The following GEMIN5 variants were observed in gnomAD, a reference collection of about 807,000 sequenced individuals.
GEMIN5 encodes gem nuclear organelle associated protein 5.
Under a neutral mutation model 176.9 loss-of-function variants are expected in GEMIN5, and 124 were observed. The observed-to-expected ratio is 0.70, with a 90% CI of 0.61 to 0.81. The LOEUF is 0.81. Ranked by LOEUF, GEMIN5 falls within the 40% of genes least tolerant of loss-of-function variation. The pLI is 0.00. For missense variants in GEMIN5, 1,843 were observed against 1,814.6 expected, an observed-to-expected ratio of 1.02 and a Z score of -0.28; for synonymous variants, 673 against 665.2, an observed-to-expected ratio of 1.01 and a Z score of -0.18.
intron 24 of GEMIN5, among the ~76,000 whole-genome samples, chr5:154,894,250 T>C (rs1763300123): frequency 6.6e-6 from 1 of 152,196 alleles, no homozygotes; most frequent in Admixed American, 6.5e-5. Context: ...TGGCCCTTTT[T>C]ATTGTTAAAC....
intron 23 of GEMIN5, among the ~76,000 whole-genome samples, chr5:154,897,374 AGT>A (rs532036872): frequency 2.0e-5 from 3 of 152,370 alleles, no homozygotes; most frequent in Admixed American, 6.5e-5. Flanking sequence ...AAACTAGGTA[AGT>A]GTGCCAATGC....
intron 7 of GEMIN5, among the ~76,000 whole-genome samples, 162 bp from the exon 8 acceptor site, chr5:154,926,236 T>C (rs1227282205): frequency 6.6e-6 from 1 of 152,032 alleles, no homozygotes; most frequent in Non-Finnish European, 1.5e-5. Context: ...AAAATAGTAA[T>C]AAATTATGTT....
At chr5:154,914,998 T>TA (rs750832040) in intron 13 of GEMIN5, among the ~76,000 whole-genome samples, 1 of 152,282 alleles carries the variant, frequency 6.6e-6, no homozygotes. Flanking sequence ...AATAAGAAGG[T>TA]AAAAATTAAA....
Position 154,891,665 on chromosome 5 carries a change from A to T in GEMIN5, c.3838T>A (p.Phe1280Ile), listed in dbSNP as rs774483456. ...AATTCATACAGACGCCCATAAAGAA[A>T]AAAGGCCTCCAAACTTTTGAAAGCT... The part of the protein sequence containing the change: ...TPAFKSLEAF[F>I]LYGRLYEFWW... The change falls in exon 26 of 28, where the codon TTT becomes ATT. Residue 1280 changes from phenylalanine (F) to isoleucine (I), a missense_variant. Phe to Ile is a conservative substitution (Grantham distance 21). Coordinates refer to ENST00000285873, the MANE Select transcript of GEMIN5 (RefSeq NM_015465.5). 1.2e-6 allele frequency: 2 copies of T among 1,612,874 alleles called. No homozygotes were observed. Among genetic ancestry groups the T allele is most frequent in the Admixed American group, 1.7e-5 (1 of 59,626 alleles).
intron 23 of GEMIN5, among the ~76,000 whole-genome samples, chr5:154,896,765 G>C (rs1359499850): frequency 1.3e-5 from 2 of 152,172 alleles, no homozygotes; most frequent in Non-Finnish European, 2.9e-5. Context: ...GAATAGACAA[G>C]CTTTGCAGAT....
At chr5:154,931,628 A>G (rs1372656651) in intron 4 of GEMIN5, 51 bp from the exon 5 acceptor site, 3 of 1,475,748 alleles carry the variant, frequency 2.0e-6, no homozygotes, top group Non-Finnish European at 2.8e-6. Context: ...ACACGCACTA[A>G]TATAAAAAAA....
Position 154,908,171 on chromosome 5 carries a change from CCTTTTTTTTT to C in GEMIN5, c.2168-363_2168-354del, listed in dbSNP as rs1475900868. On this transcript the variant is annotated intron_variant, in intron 15 of 27. Coordinates refer to ENST00000285873, the MANE Select transcript of GEMIN5 (RefSeq NM_015465.5). ...AGTTCTGCCAATTTTACCCAGATGT[CCTTTTTTTTT>C]TTTTTTTTTTTTTTTTTGGAGATGG... Among the ~76,000 whole-genome samples, 15 of 88,698 alleles carry C rather than the reference CCTTTTTTTTT, an allele frequency of 1.7e-4. No individual in the cohort carries two copies. In the East Asian group the frequency reaches 2.2e-3, roughly 13 times the overall value. The allele number at this position is 88,698 out of a possible 152,430, so 58.2% of individuals were successfully genotyped here.
chr5:154,935,747 C>T, intron 3 of GEMIN5, 94 bp downstream of exon 3: 1 of 852,074 alleles, frequency 1.2e-6, no homozygotes, highest in Non-Finnish European at 1.9e-6. Flanking sequence ...TAGATGGTTT[C>T]CTTTGAGGAA....
chr5:154,938,147 C>A lies in GEMIN5; in HGVS notation c.-14G>T. On this transcript the variant is annotated 5_prime_UTR_variant, in exon 1 of 28. Transcript: ENST00000285873. ...CTCCTGCCCCATAACTACAAGCCGTCAGAGACAAGAGAAGCTGCCACAGCC... is the reference window on the plus strand; with the variant it reads ...CTCCTGCCCCATAACTACAAGCCGTAAGAGACAAGAGAAGCTGCCACAGCC... 1 of 1,364,664 alleles carries A rather than the reference C, an allele frequency of 7.3e-7. No individual in the cohort carries two copies. The highest frequency in any genetic ancestry group is 1.9e-5 in the South Asian group (1 of 52,612). 84.5% of individuals were successfully genotyped at this position (1,364,664 alleles called of 1,614,324 possible).
chr5:154,904,739 G>T, intron 17 of GEMIN5, 110 bp from the exon 18 acceptor site: 1 of 745,036 alleles, frequency 1.3e-6, no homozygotes, highest in African/African-American at 1.8e-5. Context: ...CACAGGCAGA[G>T]AAAGCTCCTC....
chr5:154,899,711 C>G (rs1008075977), intron 21 of GEMIN5, among the ~76,000 whole-genome samples: 1 of 151,664 alleles, frequency 6.6e-6, no homozygotes, highest in Admixed American at 6.6e-5. Context: ...GTGGCTCTTA[C>G]AGTGGAAAAA....
chr5:154,899,582 C>T (rs1194859396), intron 21 of GEMIN5, among the ~76,000 whole-genome samples: 1 of 150,642 alleles, frequency 6.6e-6, no homozygotes, highest in Admixed American at 6.7e-5. Context: ...AAACTATTTT[C>T]GTAACAATGC....
chr5:154,896,437 T>C (rs1763354201), intron 23 of GEMIN5, 94 bp from the exon 24 acceptor site: 2 of 1,311,020 alleles, frequency 1.5e-6, no homozygotes, highest in Non-Finnish European at 2.0e-6. Flanking sequence ...TATTTCCCTT[T>C]GTATCTGCAG....
At chr5:154,905,497 G>T in intron 16 of GEMIN5, 21 bp from the exon 17 acceptor site, 1 of 1,147,860 alleles carries the variant, frequency 8.7e-7, no homozygotes. Flanking sequence ...GGGGAAAAAG[G>T]AAAAAAAAAG....
At chr5:154,937,315 G>T in intron 1 of GEMIN5, 130 bp from the exon 2 acceptor site, 1 of 727,516 alleles carries the variant, frequency 1.4e-6, no homozygotes, top group Non-Finnish European at 2.3e-6. Flanking sequence ...CTGAAACACC[G>T]ACGGACTTAC....
intron 11 of GEMIN5, among the ~76,000 whole-genome samples, chr5:154,918,315 G>C (rs977620584): frequency 1.3e-5 from 2 of 152,104 alleles, no homozygotes; most frequent in African/African-American, 4.8e-5. Flanking sequence ...ACAATGTGGG[G>C]ACCATGAGGC....
At chr5:154,918,597 T>C (rs1424057956) in intron 11 of GEMIN5, among the ~76,000 whole-genome samples, 1 of 152,206 alleles carries the variant, frequency 6.6e-6, no homozygotes, top group Non-Finnish European at 1.5e-5. Context: ...TAGAAGAGAC[T>C]TAGGAACACG....
At chr5:154,907,551 A>G (rs1288205349) in intron 16 of GEMIN5, 40 bp downstream of exon 16, 2 of 1,488,984 alleles carry the variant, frequency 1.3e-6, no homozygotes, top group Non-Finnish European at 9.4e-7. Flanking sequence ...CCCAGACACG[A>G]CCATGAAATC....
intron 16 of GEMIN5, among the ~76,000 whole-genome samples, chr5:154,906,809 C>T (rs1582659307): frequency 6.6e-6 from 1 of 152,144 alleles, no homozygotes; most frequent in African/African-American, 2.4e-5. Context: ...TCAGGAATGC[C>T]TTGTATCCTA....
Sources: gnomAD v4.1 joint callset for allele counts (sites outside exome capture counted in the v4.1 genomes callset) on GRCh38, gnomAD v4.1.1 for gene constraint, MANE v1.5 for transcripts, NCBI Gene and HGNC (gene_info 2026-07-23, HGNC 2026-07-21) for gene names.